The following RYR3 variants were observed in gnomAD, a reference collection of about 807,000 sequenced individuals.
RYR3 encodes brain ryanodine receptor-calcium release channel.
A neutral mutation model predicts 584.3 loss-of-function variants in RYR3; 207 were observed. The ratio of observed to expected loss-of-function variants is 0.35; its 90% CI spans 0.32 to 0.40. The LOEUF is 0.40. Among genes scored for constraint, RYR3 ranks in the 10% least tolerant of loss-of-function variants. RYR3 has a pLI of 1.00. For synonymous variants in RYR3, 2,416 were observed against 2,248.5 expected (o/e 1.07, Z -2.11); for missense variants, 5,616 against 6,089.2 (o/e 0.92, Z 2.59).
intron 33 of RYR3, 23 bp downstream of exon 33, chr15:33,659,829 A>G (rs2063041083): frequency 2.0e-6 from 3 of 1,476,116 alleles, no homozygotes; most frequent in South Asian, 1.1e-5. Flanking sequence ...CCTCTCATCT[A>G]ATGGCCATGA....
At chr15:33,638,199 G>T (rs2061604664) in intron 27 of RYR3, among the ~76,000 whole-genome samples, 1 of 152,194 alleles carries the variant, frequency 6.6e-6, no homozygotes, top group Admixed American at 6.5e-5. Context: ...TGAGAATGAT[G>T]TTGCCAGAAG....
chr15:33,657,391 G>T (rs537488635), intron 32 of RYR3, among the ~76,000 whole-genome samples: 211 of 152,310 alleles, frequency 1.4e-3, no homozygotes, highest in Middle Eastern at 6.8e-3. Context: ...TAGCAGAAAC[G>T]CATGGGCTTC....
rs113279864 is a variant in RYR3, at chr15:33,739,734, G to A, written c.7657-98G>A. On this transcript the variant is annotated intron_variant, in intron 50 of 103. Coordinates refer to ENST00000634891, the MANE Select transcript of RYR3 (RefSeq NM_001036.6). Reference sequence around the variant, plus strand: ...CGTTTTGGTTAACCTGGATAAATGCGCGTATTTTATTTCTGTTTTCAGCTG... The same window carrying A: ...CGTTTTGGTTAACCTGGATAAATGCACGTATTTTATTTCTGTTTTCAGCTG... 2,526 of 972,966 alleles carry A rather than the reference G, an allele frequency of 2.6e-3. 6 individuals carry two copies. The highest frequency in any genetic ancestry group is 3.5e-3 in the Non-Finnish European group (2,290 of 662,224). The allele number at this position is 972,966 out of a possible 1,614,324, so 60.3% of individuals were successfully genotyped here.
At position 33,646,427 on chromosome 15, in the gene RYR3, G is replaced by C. The variant is rs374007586; in HGVS notation, c.3842G>C (p.Ser1281Thr). ...CATAAGACATTTGGCACACAGAATAGCAATGCCGACATGATCTATTGCCGC... is the reference window on the plus strand; with the variant it reads ...CATAAGACATTTGGCACACAGAATACCAATGCCGACATGATCTATTGCCGC... ...VTHKTFGTQN[S>T]NADMIYCRLS... The change falls in exon 29 of 104, where the codon AGC becomes ACC. Residue 1281 changes from serine (S) to threonine (T), a missense_variant. Physicochemically the swap from Ser to Thr is moderately conservative, Grantham distance 58. Around this residue, in one of 9 missense-constraint regions of RYR3, gnomAD observed 753 missense variants for 741.0 expected, o/e 1.02. Transcript: ENST00000634891. The C allele has an allele frequency of 2.5e-6, 4 of 1,613,962 alleles. No individual in the cohort carries two copies. The highest frequency in any genetic ancestry group is 3.4e-6 in the Non-Finnish European group (4 of 1,179,864).
intron 16 of RYR3, among the ~76,000 whole-genome samples, chr15:33,597,577 C>T (rs1472876902): frequency 6.7e-6 from 1 of 150,184 alleles, no homozygotes; most frequent in Non-Finnish European, 1.5e-5. Flanking sequence ...CACCACTGTA[C>T]TCCAGCCTGG....
intron 2 of RYR3, among the ~76,000 whole-genome samples, chr15:33,487,502 TTC>T (rs1172434096): frequency 6.6e-6 from 1 of 152,164 alleles, no homozygotes; most frequent in Non-Finnish European, 1.5e-5. Flanking sequence ...GACCTAGACA[TTC>T]TTTTTTATCT....
chr15:33,496,042 T>A (rs1347096208), intron 2 of RYR3, among the ~76,000 whole-genome samples: 5 of 152,200 alleles, frequency 3.3e-5, no homozygotes, highest in Non-Finnish European at 5.9e-5. Flanking sequence ...CATGAAAACG[T>A]GGTCTTATCC....
chr15:33,751,132 C>T (rs1025167151), intron 57 of RYR3, among the ~76,000 whole-genome samples: 12 of 152,138 alleles, frequency 7.9e-5, no homozygotes, highest in Non-Finnish European at 1.6e-4. Context: ...TCCAGTCTAT[C>T]ATTAATGGGC....
At chr15:33,455,504 C>T (rs1479577198) in intron 1 of RYR3, among the ~76,000 whole-genome samples, 1 of 143,096 alleles carries the variant, frequency 7.0e-6, no homozygotes, top group African/African-American at 2.4e-5. Context: ...GGAGTACGTG[C>T]CTTAAAGGCC....
chr15:33,662,183 G>A lies in RYR3; in HGVS notation c.4653G>A (p.Gln1551=). 1 of 1,604,758 alleles carries A rather than the reference G, an allele frequency of 6.2e-7. No individual in the cohort carries two copies. Among genetic ancestry groups the A allele is most frequent in the Non-Finnish European group, 8.5e-7 (1 of 1,176,504 alleles). ...TGGATATCCTGGAGCTCTGTGAGCA[G>A]GAGGACCTGATGCGGTTCCATTACC... ...RCVDILELCE[Q]EDLMRFHYHT... The change falls in exon 35 of 104, where the codon CAG becomes CAA. Residue 1551 remains glutamine, a synonymous_variant. Coordinates refer to ENST00000634891, the MANE Select transcript of RYR3 (RefSeq NM_001036.6).
chr15:33,711,490 G>A (rs960655104), intron 43 of RYR3, among the ~76,000 whole-genome samples: 11 of 152,012 alleles, frequency 7.2e-5, no homozygotes, highest in African/African-American at 1.4e-4. Context: ...TGATCCACCC[G>A]CCTCGGCCTC....
chr15:33,356,167 G>A (rs1973952809), intron 1 of RYR3, among the ~76,000 whole-genome samples: 1 of 152,144 alleles, frequency 6.6e-6, no homozygotes, highest in African/African-American at 2.4e-5. Flanking sequence ...TTTGGAGTGA[G>A]AAGGTCCGTG....
At chr15:33,601,354 G>A in intron 16 of RYR3, 65 bp from the exon 17 acceptor site, 1 of 1,548,426 alleles carries the variant, frequency 6.5e-7, no homozygotes, top group Non-Finnish European at 8.8e-7. Flanking sequence ...CTCATGCATT[G>A]TGGTGGTCCT....
chr15:33,651,179 C>CT (rs2062442231), intron 31 of RYR3, among the ~76,000 whole-genome samples: 1 of 152,152 alleles, frequency 6.6e-6, no homozygotes, highest in Non-Finnish European at 1.5e-5. Flanking sequence ...CTTCTTTGTC[C>CT]TATGTAATAA....
At chr15:33,758,350 C>T (rs1292775482) in intron 60 of RYR3, among the ~76,000 whole-genome samples, 6 of 152,128 alleles carry the variant, frequency 3.9e-5, no homozygotes, top group African/African-American at 9.7e-5. Flanking sequence ...ACTTGCTCAG[C>T]GGATCCCACA....
chr15:33,553,903 C>T (rs113283534), intron 10 of RYR3, among the ~76,000 whole-genome samples: 6 of 152,184 alleles, frequency 3.9e-5, no homozygotes, highest in East Asian at 1.9e-4. Context: ...CCTTCCATTG[C>T]GTCTCTTGCC....
intron 54 of RYR3, 89 bp downstream of exon 54, chr15:33,748,349 C>T: frequency 6.5e-7 from 1 of 1,537,824 alleles, no homozygotes; most frequent in Non-Finnish European, 8.9e-7. Context: ...GTAGGTGGGA[C>T]CATCTAAGAT....
intron 1 of RYR3, among the ~76,000 whole-genome samples, chr15:33,444,926 G>A (rs1008728484): frequency 1.3e-5 from 2 of 151,610 alleles, no homozygotes; most frequent in East Asian, 1.9e-4. Flanking sequence ...GCTGGAGTGC[G>A]CGGCCCCTGT....
intron 5 of RYR3, 106 bp from the exon 6 acceptor site, chr15:33,539,241 CTTG>C (rs1490514933): frequency 8.5e-5 from 58 of 682,742 alleles, no homozygotes; most frequent in Non-Finnish European, 1.2e-4. Context: ...GGAATGTGCA[CTTG>C]TTGTGTGCAC....
Sources: gnomAD v4.1 joint callset for allele counts (sites outside exome capture counted in the v4.1 genomes callset) on GRCh38, gnomAD v4.1.1 for gene constraint, gnomAD v4.1.1 regional missense constraint, MANE v1.5 for transcripts, NCBI Gene and HGNC (gene_info 2026-07-23, HGNC 2026-07-21) for gene names.